Variants in SOX5 observed in about 807,000 individuals in gnomAD.
SOX5 encodes SRY-box transcription factor 5.
A neutral mutation model predicts 92.0 loss-of-function variants in SOX5; 9 were observed. The observed-to-expected ratio is 0.10, with a 90% CI of 0.06 to 0.17. The LOEUF is 0.17. Among genes scored for constraint, SOX5 ranks in the 10% least tolerant of loss-of-function variants. The pLI, the probability that SOX5 is intolerant of heterozygous loss-of-function variation, is 1.00. For synonymous variants in SOX5, 344 were observed against 336.3 expected (o/e 1.02, Z -0.25); for missense variants, 642 against 944.5 (o/e 0.68, Z 4.20).
At chr12:24,436,817 T>C (rs575794109) in intron 1 of SOX5, among the ~76,000 whole-genome samples, 36 of 152,318 alleles carry the variant, frequency 2.4e-4, no homozygotes, top group African/African-American at 8.4e-4. Context: ...CTCTTATTTG[T>C]TAGGGGCTAA....
At chr12:24,114,668 G>A (rs1158535961) in intron 4 of SOX5, among the ~76,000 whole-genome samples, 1 of 151,106 alleles carries the variant, frequency 6.6e-6, no homozygotes, top group East Asian at 1.9e-4. Flanking sequence ...ATGGGCATAG[G>A]GGTTCACGCC....
intron 9 of SOX5, among the ~76,000 whole-genome samples, chr12:23,587,778 T>TTTA (rs1193639504): frequency 1.3e-5 from 2 of 152,114 alleles, no homozygotes; most frequent in Non-Finnish European, 2.9e-5. Flanking sequence ...CACATGTCAA[T>TTTA]TTATATACAT....
intron 2 of SOX5, among the ~76,000 whole-genome samples, chr12:23,893,862 C>A (rs1469308447): frequency 1.3e-5 from 2 of 152,170 alleles, no homozygotes; most frequent in Non-Finnish European, 2.9e-5. Flanking sequence ...TTGTACATAA[C>A]TTACGTAAGC....
At chr12:24,435,139 G>A (rs1388246434) in intron 1 of SOX5, among the ~76,000 whole-genome samples, 1 of 152,166 alleles carries the variant, frequency 6.6e-6, no homozygotes, top group Non-Finnish European at 1.5e-5. Context: ...AAATTTCCTG[G>A]GCCTGTGAGG....
At chr12:23,564,217 AT>A (rs1199117270) in intron 10 of SOX5, among the ~76,000 whole-genome samples, 1 of 152,166 alleles carries the variant, frequency 6.6e-6, no homozygotes, top group Non-Finnish European at 1.5e-5. Flanking sequence ...ACCAAAACTA[AT>A]TTTTACTTAA....
chr12:24,228,001 A>C (rs1962468156), intron 3 of SOX5, among the ~76,000 whole-genome samples: 1 of 152,204 alleles, frequency 6.6e-6, no homozygotes, highest in Admixed American at 6.5e-5. Context: ...GAGAGATGAG[A>C]TGTGGATGGG....
chr12:24,534,523 A>AT (rs1951467179), intron 1 of SOX5, among the ~76,000 whole-genome samples: 1 of 152,190 alleles, frequency 6.6e-6, no homozygotes, highest in African/African-American at 2.4e-5. Flanking sequence ...CTTACAGCAC[A>AT]TTTTTTAAAA....
chr12:23,727,013 G>A, intron 6 of SOX5, among the ~76,000 whole-genome samples: 1 of 152,002 alleles, frequency 6.6e-6, no homozygotes, highest in East Asian at 1.9e-4. Context: ...AAAGATTGTA[G>A]AAGAAAGAAA....
intron 4 of SOX5, among the ~76,000 whole-genome samples, chr12:23,968,378 C>G (rs1346726492): frequency 6.6e-6 from 1 of 152,168 alleles, no homozygotes. Context: ...GAATATGTCC[C>G]CCAAAGTTCA....
At chr12:24,056,560 C>T (rs1213447273) in intron 4 of SOX5, among the ~76,000 whole-genome samples, 5 of 152,104 alleles carry the variant, frequency 3.3e-5, no homozygotes, top group Non-Finnish European at 7.4e-5. Context: ...TCAGAAACTT[C>T]GATTCAATTC....
chr12:24,067,156 G>T (rs533127842), intron 4 of SOX5, among the ~76,000 whole-genome samples: 1 of 152,276 alleles, frequency 6.6e-6, no homozygotes, highest in Non-Finnish European at 1.5e-5. Flanking sequence ...TGGTCAGTTT[G>T]GGGTTTGTTT....
At chr12:24,506,745 C>T (rs1948784349) in intron 1 of SOX5, among the ~76,000 whole-genome samples, 1 of 148,190 alleles carries the variant, frequency 6.7e-6, no homozygotes, top group South Asian at 2.1e-4. Context: ...TTCCCCCTCC[C>T]TTTCCAATGC....
chr12:24,135,826 T>C (rs1290692795), intron 4 of SOX5, among the ~76,000 whole-genome samples: 1 of 152,028 alleles, frequency 6.6e-6, no homozygotes, highest in African/African-American at 2.4e-5. Context: ...GATGTGGATG[T>C]TGGGAAGGGC....
intron 8 of SOX5, among the ~76,000 whole-genome samples, chr12:23,618,152 T>A (rs941691139): frequency 6.6e-6 from 1 of 152,202 alleles, no homozygotes; most frequent in Non-Finnish European, 1.5e-5. Flanking sequence ...GATCTCTCTA[T>A]GTATCAGTGA....
In SOX5 at chr12:23,827,573, T is replaced by C. The variant is rs150919783; in HGVS notation, c.481+18410A>G. Among the ~76,000 whole-genome samples, 336 of 152,328 alleles carry C rather than the reference T, an allele frequency of 2.2e-3. 4 individuals carry two copies. Among genetic ancestry groups the C allele is most frequent in the African/African-American group, 7.4e-3 (308 of 41,574 alleles). ...TCATATACACCCACACTGAACAGTC[T>C]GCATTGTGTTAATAAATAACCAGCA... is the stretch of plus-strand genomic sequence containing the variant. On this transcript the variant is annotated intron_variant, in intron 3 of 14. Transcript: ENST00000451604.
intron 1 of SOX5, among the ~76,000 whole-genome samples, chr12:23,929,029 T>TTA (rs1555432783): frequency 2.6e-5 from 4 of 151,222 alleles, no homozygotes; most frequent in East Asian, 1.9e-4. Flanking sequence ...AGTGTTTTTT[T>TTA]AAAAAAATGC....
intron 6 of SOX5, among the ~76,000 whole-genome samples, chr12:23,694,439 C>T (rs1048776291): frequency 2.0e-5 from 3 of 152,204 alleles, no homozygotes; most frequent in South Asian, 4.2e-4. Flanking sequence ...TCATCTGTGT[C>T]TCTCTGCAAC....
At chr12:23,760,394 G>A (rs1052704959) in intron 3 of SOX5, among the ~76,000 whole-genome samples, 2 of 152,008 alleles carry the variant, frequency 1.3e-5, no homozygotes, top group Non-Finnish European at 1.5e-5. Context: ...AGAACATAAA[G>A]TTAGGAAATA....
intron 2 of SOX5, chr12:24,331,436 T>G (rs1386435164): frequency 6.6e-6 from 1 of 152,134 alleles, no homozygotes; most frequent in East Asian, 1.9e-4. Context: ...ACTTTGGAAT[T>G]TATTAGTAGA....
Sources: gnomAD v4.1 joint callset for allele counts (sites outside exome capture counted in the v4.1 genomes callset) on GRCh38, gnomAD v4.1.1 for gene constraint, MANE v1.5 for transcripts, NCBI Gene and HGNC (gene_info 2026-07-23, HGNC 2026-07-21) for gene names.